The following AGBL1 variants were observed in gnomAD, a reference collection of about 807,000 sequenced individuals.
The protein encoded by AGBL1 is cytosolic carboxypeptidase 4.
Under a neutral mutation model 118.9 loss-of-function variants are expected in AGBL1, and 130 were observed. That is an observed-to-expected ratio of 1.09 (90% CI 0.95 to 1.26). The LOEUF is 1.26. AGBL1 is among the 50% of genes most tolerant of loss of function. The pLI is 0.00. For missense variants in AGBL1, 1,584 were observed against 1,298.1 expected (o/e 1.22, Z -3.38); for synonymous variants, 555 against 478.9 (o/e 1.16, Z -2.08).
intron 22 of AGBL1, among the ~76,000 whole-genome samples, chr15:86,855,310 C>G (rs2079462445): frequency 6.6e-6 from 1 of 152,164 alleles, no homozygotes; most frequent in Non-Finnish European, 1.5e-5. Context: ...AAACAAAAAG[C>G]TCAAGTAGCT....
chr15:86,900,691 C>T (rs1160769356), intron 22 of AGBL1, among the ~76,000 whole-genome samples: 1 of 150,112 alleles, frequency 6.7e-6, no homozygotes, highest in Non-Finnish European at 1.5e-5. Context: ...CTTCTATAAA[C>T]AATGCTAGAA....
At chr15:86,733,874 G>A (rs970782394) in intron 22 of AGBL1, among the ~76,000 whole-genome samples, 5 of 152,040 alleles carry the variant, frequency 3.3e-5, no homozygotes, top group Admixed American at 2.0e-4. Context: ...TGCATGGGTC[G>A]TATACACCCA....
chr15:86,929,748 A>G (rs1041729928), intron 23 of AGBL1, among the ~76,000 whole-genome samples: 1 of 152,234 alleles, frequency 6.6e-6, no homozygotes, highest in African/African-American at 2.4e-5. Flanking sequence ...AGCTTTGACT[A>G]TAACTGAAAA....
chr15:86,627,300 T>C (rs1376697712), intron 21 of AGBL1, among the ~76,000 whole-genome samples: 3 of 152,320 alleles, frequency 2.0e-5, no homozygotes, highest in African/African-American at 4.8e-5. Flanking sequence ...GTGCCCTGCC[T>C]GATATAATTT....
chr15:86,541,040 T>C (rs373559387), intron 19 of AGBL1, among the ~76,000 whole-genome samples: 25 of 152,360 alleles, frequency 1.6e-4, no homozygotes, highest in Middle Eastern at 6.8e-3. Context: ...TCTGGCTTTA[T>C]TGAGAAATCT....
At chr15:86,202,597 A>G (rs2077925167) in intron 5 of AGBL1, among the ~76,000 whole-genome samples, 1 of 152,186 alleles carries the variant, frequency 6.6e-6, no homozygotes, top group South Asian at 2.1e-4. Flanking sequence ...CCACTGACTA[A>G]CAATGCTTTG....
At chr15:86,944,861 G>T (rs759079415) in intron 23 of AGBL1, among the ~76,000 whole-genome samples, 12 of 152,068 alleles carry the variant, frequency 7.9e-5, no homozygotes, top group Non-Finnish European at 1.5e-4. Context: ...TTTATTGACC[G>T]AACTAGGAGA....
intron 17 of AGBL1, among the ~76,000 whole-genome samples, chr15:86,335,041 T>C (rs754123210): frequency 7.9e-5 from 12 of 151,788 alleles, no homozygotes; most frequent in Non-Finnish European, 1.3e-4. Flanking sequence ...CTTAAGAAAA[T>C]GAAGGACATA....
At chr15:86,688,130 G>A (rs945486683) in intron 22 of AGBL1, among the ~76,000 whole-genome samples, 6 of 152,164 alleles carry the variant, frequency 3.9e-5, no homozygotes, top group Non-Finnish European at 7.3e-5. Context: ...GTTGTTTCAT[G>A]TATGAATGCA....
chr15:86,308,471 T>C (rs2079873585), intron 17 of AGBL1, among the ~76,000 whole-genome samples: 1 of 152,214 alleles, frequency 6.6e-6, no homozygotes, highest in South Asian at 2.1e-4. Flanking sequence ...CTATCAGACT[T>C]CCAGCCTCCA....
chr15:86,740,761 T>C (rs142719691), intron 22 of AGBL1, among the ~76,000 whole-genome samples: 1 of 152,226 alleles, frequency 6.6e-6, no homozygotes, highest in African/African-American at 2.4e-5. Context: ...CTGGCAAAGA[T>C]AAGGAAATGA....
intron 22 of AGBL1, among the ~76,000 whole-genome samples, chr15:86,906,802 T>C (rs2080286401): frequency 6.6e-6 from 1 of 151,952 alleles, no homozygotes; most frequent in Non-Finnish European, 1.5e-5. Context: ...AGCCTGCAAA[T>C]TGTTACAACT....
intron 21 of AGBL1, among the ~76,000 whole-genome samples, chr15:86,610,489 G>A (rs1019745474): frequency 3.3e-5 from 5 of 152,144 alleles, no homozygotes; most frequent in South Asian, 2.1e-4. Context: ...TACTTTGGGC[G>A]ACAGCTAAAA....
chr15:86,244,357 A>T (rs1467840835), intron 6 of AGBL1, among the ~76,000 whole-genome samples: 2 of 151,638 alleles, frequency 1.3e-5, no homozygotes, highest in African/African-American at 2.4e-5. Flanking sequence ...ATCTTCCAGA[A>T]CTCCTCTAAG....
intron 23 of AGBL1, chr15:86,939,870 C>G (rs1354455307): frequency 1.1e-5 from 1 of 89,632 alleles, no homozygotes. Flanking sequence ...ATAGAGTACG[C>G]TGTTTCTTTT....
intron 18 of AGBL1, among the ~76,000 whole-genome samples, chr15:86,424,962 C>T (rs2081846672): frequency 1.3e-5 from 2 of 152,114 alleles, no homozygotes; most frequent in Non-Finnish European, 2.9e-5. Flanking sequence ...TTAGTTCAAC[C>T]ATTGTGGAAG....
At position 86,912,055 on chromosome 15, in the gene AGBL1, G is replaced by C. The variant is rs2080359285; in HGVS notation, c.*4761G>C. The C allele has an allele frequency of 6.6e-6, 1 of 152,100 alleles. No individual in the cohort carries two copies. The highest frequency in any genetic ancestry group is 6.5e-5 in the Admixed American group (1 of 15,276). The allele number at this position is 152,100 out of a possible 1,614,324, so 9.4% of individuals were successfully genotyped here. On this transcript the variant is annotated 3_prime_UTR_variant, in exon 23 of 23. Coordinates refer to ENST00000614907, the MANE Select transcript of AGBL1 (RefSeq NM_001386094.1). ...TGTCTTCCCCTCAGCTTCAAACTCA[G>C]ACATCCAATGTTTCAATGAAATCTC...
Position 86,883,710 on chromosome 15 carries a change from G to T in AGBL1, c.3159-23377G>T, listed in dbSNP as rs1015238259. ...CACATGGTAGGTAGGTGGAAGAAAG[G>T]TTGCTTTTCTTTCCTTCTTCCATTT... On this transcript the variant is annotated intron_variant, in intron 22 of 22. Coordinates refer to ENST00000614907, the MANE Select transcript of AGBL1 (RefSeq NM_001386094.1). Among the ~76,000 whole-genome samples the T allele has an allele frequency of 3.3e-5, 5 of 152,098 alleles. No homozygotes were observed. The East Asian group carries it at 5.8e-4, about 18-fold the overall frequency.
intron 22 of AGBL1, among the ~76,000 whole-genome samples, chr15:86,814,124 CAGG>C (rs1262875833): frequency 1.3e-5 from 2 of 152,148 alleles, no homozygotes; most frequent in Non-Finnish European, 2.9e-5. Flanking sequence ...GGCCCCAGAG[CAGG>C]AGATGAGCTG....
Sources: gnomAD v4.1 joint callset for allele counts (sites outside exome capture counted in the v4.1 genomes callset) on GRCh38, gnomAD v4.1.1 for gene constraint, MANE v1.5 for transcripts, NCBI Gene and HGNC (gene_info 2026-07-23, HGNC 2026-07-21) for gene names.